GABRB1: variants seen among roughly 807,000 people sequenced by gnomAD.
GABRB1 encodes gamma-aminobutyric acid receptor subunit beta-1.
In GABRB1, 17 loss-of-function variants were observed where a neutral mutation model predicts 51.6. That is an observed-to-expected ratio of 0.33 (90% CI 0.23 to 0.49). The LOEUF is 0.49. Among genes scored for constraint, GABRB1 ranks in the 20% least tolerant of loss-of-function variants. The pLI, the probability that GABRB1 is intolerant of heterozygous loss-of-function variation, is 0.99. For synonymous variants in GABRB1, 247 were observed against 218.9 expected, an observed-to-expected ratio of 1.13 and a Z score of -1.14; for missense variants, 410 against 600.6, an observed-to-expected ratio of 0.68 and a Z score of 3.32.
intron 3 of GABRB1, among the ~76,000 whole-genome samples, chr4:47,143,467 A>G (rs1001283746): frequency 1.3e-5 from 2 of 151,862 alleles, no homozygotes; most frequent in Admixed American, 6.6e-5. Context: ...ACACATACAC[A>G]CAAACACTGC....
intron 3 of GABRB1, among the ~76,000 whole-genome samples, chr4:47,046,040 T>C (rs1455809297): frequency 6.6e-6 from 1 of 152,006 alleles, no homozygotes; most frequent in Non-Finnish European, 1.5e-5. Context: ...GTTTGCATGA[T>C]AGTGAGTGAG....
At chr4:47,301,194 T>C (rs1168173760) in intron 4 of GABRB1, among the ~76,000 whole-genome samples, 17 of 152,306 alleles carry the variant, frequency 1.1e-4, no homozygotes, top group African/African-American at 4.1e-4. Context: ...TTAAGTATCC[T>C]AATGAGATAC....
intron 4 of GABRB1, among the ~76,000 whole-genome samples, chr4:47,165,065 A>T (rs1168012526): frequency 6.6e-6 from 1 of 152,098 alleles, no homozygotes; most frequent in East Asian, 1.9e-4. Flanking sequence ...ACTTTAGTCC[A>T]TGTGCCATGA....
At chr4:47,354,538 T>G (rs1726480922) in intron 5 of GABRB1, among the ~76,000 whole-genome samples, 1 of 152,188 alleles carries the variant, frequency 6.6e-6, no homozygotes. Flanking sequence ...CAGGCCTTCC[T>G]GTACCATCAT....
intron 1 of GABRB1, among the ~76,000 whole-genome samples, chr4:47,019,918 G>GTATATA (rs1724878691): frequency 1.0e-5 from 1 of 99,742 alleles, no homozygotes; most frequent in Non-Finnish European, 2.3e-5. Flanking sequence ...ATATGTATAT[G>GTATATA]TATACGTATA....
intron 1 of GABRB1, among the ~76,000 whole-genome samples, chr4:46,997,388 G>A (rs1724032067): frequency 1.3e-5 from 2 of 150,754 alleles, no homozygotes; most frequent in Admixed American, 1.3e-4. Context: ...GTGGCCTCAT[G>A]TTGTACATTA....
chr4:47,287,573 G>A (rs996391777), intron 4 of GABRB1, among the ~76,000 whole-genome samples: 1 of 152,132 alleles, frequency 6.6e-6, no homozygotes, highest in Non-Finnish European at 1.5e-5. Flanking sequence ...TGTACTTTGT[G>A]TTAGACAGCA....
chr4:47,131,973 ACAAT>A (rs1461704363), intron 3 of GABRB1, among the ~76,000 whole-genome samples: 1 of 152,184 alleles, frequency 6.6e-6, no homozygotes, highest in Non-Finnish European at 1.5e-5. Flanking sequence ...ATTTAATTTG[ACAAT>A]CTGTTGACTA....
intron 4 of GABRB1, among the ~76,000 whole-genome samples, chr4:47,283,229 A>T (rs1475012762): frequency 6.6e-6 from 1 of 152,080 alleles, no homozygotes; most frequent in Non-Finnish European, 1.5e-5. Context: ...TAGGATTATT[A>T]AAACAATTGA....
intron 3 of GABRB1, among the ~76,000 whole-genome samples, chr4:47,098,428 G>A (rs11940505): frequency 0.34 from 51,643 of 151,766 alleles, 9,154 homozygotes; most frequent in African/African-American, 0.42. Context: ...AACCTTTGGG[G>A]TACCTGCCAT....
intron 1 of GABRB1, among the ~76,000 whole-genome samples, chr4:47,008,165 T>C (rs1724467373): frequency 6.6e-6 from 1 of 152,248 alleles, no homozygotes; most frequent in African/African-American, 2.4e-5. Context: ...CCCAGATTTT[T>C]GTCTTGGTTA....
Position 47,206,056 on chromosome 4 carries a change from T to TA in GABRB1, c.461+44597dup, listed in dbSNP as rs142712255. Among the ~76,000 whole-genome samples the TA allele has an allele frequency of 6.2e-3, 920 of 149,424 alleles. 1 individual carries two copies. The highest frequency in any genetic ancestry group is 0.012 in the African/African-American group (487 of 40,944). ...CGTTTGAGCCATAGGTTCACAGGAT[T>TA]AAAAAAAAAATAGCACTGAATATCT... On this transcript the variant is annotated intron_variant, in intron 4 of 8. Transcript: ENST00000295454.
chr4:47,112,513 T>G (rs1715268514), intron 3 of GABRB1, among the ~76,000 whole-genome samples: 1 of 152,260 alleles, frequency 6.6e-6, no homozygotes, highest in South Asian at 2.1e-4. Flanking sequence ...GAATACTTTA[T>G]GTAATCTTGA....
chr4:47,031,773 TC>T, intron 1 of GABRB1, 42 bp downstream of exon 1: 7 of 1,564,260 alleles, frequency 4.5e-6, no homozygotes, highest in Non-Finnish European at 6.2e-6. Context: ...TCTCTCTCTC[TC>T]TTTTTTTCTT....
chr4:47,384,552 G>C (rs1057228920), intron 5 of GABRB1, among the ~76,000 whole-genome samples: 3 of 152,118 alleles, frequency 2.0e-5, no homozygotes, highest in Non-Finnish European at 4.4e-5. Flanking sequence ...GAGATATTCT[G>C]AATAGTTTCC....
intron 4 of GABRB1, among the ~76,000 whole-genome samples, chr4:47,215,152 T>G (rs911142256): frequency 6.6e-6 from 1 of 152,094 alleles, no homozygotes; most frequent in African/African-American, 2.4e-5. Context: ...TGACTCTTCT[T>G]CATGGCTGCT....
intron 3 of GABRB1, among the ~76,000 whole-genome samples, chr4:47,046,887 A>G (rs1052043585): frequency 3.9e-5 from 6 of 152,284 alleles, no homozygotes; most frequent in African/African-American, 1.4e-4. Flanking sequence ...AAACTAACAC[A>G]GGAACAGAAA....
At chr4:47,261,021 A>C (rs934778364) in intron 4 of GABRB1, among the ~76,000 whole-genome samples, 2 of 152,214 alleles carry the variant, frequency 1.3e-5, no homozygotes, top group African/African-American at 4.8e-5. Flanking sequence ...AAAAACTCTC[A>C]AGAAATTAGG....
intron 5 of GABRB1, among the ~76,000 whole-genome samples, chr4:47,393,962 AT>A (rs1467401966): frequency 1.3e-5 from 2 of 152,360 alleles, no homozygotes; most frequent in East Asian, 1.9e-4. Context: ...AGAATTAGGT[AT>A]GTTTGATGCC....
Sources: allele counts gnomAD v4.1 joint callset (sites outside exome capture counted in the v4.1 genomes callset), GRCh38; gene constraint gnomAD v4.1.1; transcripts MANE v1.5; gene names NCBI Gene and HGNC (gene_info 2026-07-23, HGNC 2026-07-21).